The following TSEN15 variants were observed in gnomAD, a reference collection of about 807,000 sequenced individuals.
TSEN15 encodes tRNA splicing endonuclease subunit 15.
TSEN15 carries 10 observed loss-of-function variants against 20.5 expected under a neutral mutation model. The observed-to-expected ratio is 0.49, with a 90% CI of 0.30 to 0.83. The LOEUF (loss-of-function observed/expected upper bound fraction) is 0.83. Ranked by LOEUF, TSEN15 falls within the 40% of genes least tolerant of loss-of-function variation. The pLI, the probability that TSEN15 is intolerant of heterozygous loss-of-function variation, is 0.06. For synonymous variants in TSEN15, 72 were observed against 80.1 expected, an observed-to-expected ratio of 0.90 and a Z score of 0.54; for missense variants, 180 against 218.6, an observed-to-expected ratio of 0.82 and a Z score of 1.11.
At chr1:184,077,302 C>T (rs1651082273), downstream of TSEN15, among the ~76,000 whole-genome samples, 1 of 152,140 alleles carries the variant, frequency 6.6e-6, no homozygotes, top group Admixed American at 6.6e-5. Flanking sequence ...GATGAAAGCA[C>T]ATCTGTTTAC....
intron 3 of TSEN15, among the ~76,000 whole-genome samples, chr1:184,092,815 C>A (rs1037774382): frequency 6.6e-6 from 1 of 152,178 alleles, no homozygotes; most frequent in Non-Finnish European, 1.5e-5. Flanking sequence ...GAAGAGGGCT[C>A]TGACATCCTT....
intron 3 of TSEN15, among the ~76,000 whole-genome samples, chr1:184,089,051 T>G (rs1191904726): frequency 6.6e-6 from 1 of 152,250 alleles, no homozygotes; most frequent in Non-Finnish European, 1.5e-5. Context: ...CAGCAGATTC[T>G]TGTGAAGTGG....
chr1:184,079,173 T>C (rs374831525), downstream of TSEN15, among the ~76,000 whole-genome samples: 397 of 152,258 alleles, frequency 2.6e-3, 6 homozygotes, highest in African/African-American at 9.2e-3. Context: ...CTAAGGAAAG[T>C]GGATGGAAAA....
At chr1:184,090,493 T>A (rs750815648) in intron 3 of TSEN15, among the ~76,000 whole-genome samples, 7 of 152,210 alleles carry the variant, frequency 4.6e-5, no homozygotes, top group Non-Finnish European at 8.8e-5. Flanking sequence ...AGAGTTGATA[T>A]AAACAAAAAG....
chr1:184,094,034 C>T (rs184090525), intron 3 of TSEN15: 40 of 152,220 alleles, frequency 2.6e-4, no homozygotes, highest in African/African-American at 9.4e-4. Context: ...TTGCAAAACT[C>T]ATCTGGTTTC....
chr1:184,070,859 T>C (rs940536061), intron 3 of TSEN15: 1 of 211,012 alleles, frequency 4.7e-6, no homozygotes, highest in Admixed American at 5.6e-5. Flanking sequence ...AATAATTTTT[T>C]AAGGACTAAG....
chr1:184,065,818 G>A (rs1650633731), intron 3 of TSEN15, among the ~76,000 whole-genome samples: 1 of 152,086 alleles, frequency 6.6e-6, no homozygotes, highest in Admixed American at 6.5e-5. Flanking sequence ...TGAGGTGTCT[G>A]TTCAGATTTT....
chr1:184,052,034 C>T, intron 1 of TSEN15, 144 bp downstream of exon 1: 2 of 888,462 alleles, frequency 2.3e-6, no homozygotes, highest in Non-Finnish European at 3.0e-6. Context: ...TGCACAACTG[C>T]CAGCCTCAGG....
downstream of TSEN15, among the ~76,000 whole-genome samples, chr1:184,075,353 A>T (rs1651039194): frequency 6.6e-6 from 1 of 152,186 alleles, no homozygotes; most frequent in Non-Finnish European, 1.5e-5. Context: ...TCTCATTTTA[A>T]TGAAAAACTA....
At chr1:184,088,452 G>C (rs1015045167) in intron 3 of TSEN15, among the ~76,000 whole-genome samples, 2 of 151,858 alleles carry the variant, frequency 1.3e-5, no homozygotes, top group African/African-American at 4.8e-5. Context: ...AGGAGGAAGA[G>C]GAAAAGGAGA....
chr1:184,072,794 A>T, intron 4 of TSEN15, 33 bp from the exon 5 acceptor site: 1 of 1,590,080 alleles, frequency 6.3e-7, no homozygotes, highest in Non-Finnish European at 8.6e-7. Flanking sequence ...TGTTTATCGG[A>T]GAAAAGTCCA....
In TSEN15 at chr1:184,073,462, G is replaced by A. The variant is rs539458301; in HGVS notation, c.*615G>A. On this transcript the variant is annotated 3_prime_UTR_variant, in exon 5 of 5. Transcript: ENST00000645668. The stretch of plus-strand genomic sequence containing the variant: ...GTAACTTACGTGTCTTAAGTAACAG[G>A]GACCAGAGACATGTTACCTACAAGA... 1 of 152,530 alleles carries A rather than the reference G, an allele frequency of 6.6e-6. No homozygotes were observed. The highest frequency in any genetic ancestry group is 1.9e-4 in the East Asian group (1 of 5,172). 9.4% of individuals were successfully genotyped at this position (152,530 alleles called of 1,614,324 possible).
chr1:184,075,876 G>A (rs1651048833), downstream of TSEN15, among the ~76,000 whole-genome samples: 1 of 149,490 alleles, frequency 6.7e-6, no homozygotes, highest in Admixed American at 6.7e-5. Context: ...TAGGGTAGGG[G>A]TAGATGGGGT....
intron 3 of TSEN15, among the ~76,000 whole-genome samples, chr1:184,069,645 T>G (rs1650813821): frequency 2.0e-5 from 3 of 152,064 alleles, no homozygotes; most frequent in Admixed American, 1.3e-4. Flanking sequence ...CTTTTGTTAC[T>G]GCTATTATTA....
intron 1 of TSEN15, among the ~76,000 whole-genome samples, chr1:184,052,915 C>T (rs1400925608): frequency 6.6e-6 from 1 of 152,154 alleles, no homozygotes; most frequent in Non-Finnish European, 1.5e-5. Context: ...GTTGCTTGAT[C>T]TTATTATGCC....
chr1:184,069,873 C>T (rs1027621411), intron 3 of TSEN15, among the ~76,000 whole-genome samples: 13 of 151,942 alleles, frequency 8.6e-5, no homozygotes, highest in African/African-American at 2.9e-4. Context: ...GTAACAGAGG[C>T]AGATAAACTA....
intron 3 of TSEN15, among the ~76,000 whole-genome samples, chr1:184,060,797 T>G (rs1307699178): frequency 6.6e-6 from 1 of 152,184 alleles, no homozygotes; most frequent in Non-Finnish European, 1.5e-5. Flanking sequence ...GCCTCACAGC[T>G]ATTAGAGTTT....
intron 3 of TSEN15, among the ~76,000 whole-genome samples, chr1:184,067,940 A>AT (rs1650737117): frequency 5.2e-4 from 58 of 110,880 alleles, no homozygotes; most frequent in Admixed American, 9.8e-4. Context: ...AAAAAAAAAA[A>AT]AATATATATA....
intron 3 of TSEN15, among the ~76,000 whole-genome samples, chr1:184,056,741 T>A (rs965757386): frequency 3.9e-5 from 6 of 152,168 alleles, no homozygotes; most frequent in Admixed American, 1.3e-4. Flanking sequence ...GAATAGTCCC[T>A]CCTTTCCTCA....
Sources: allele counts gnomAD v4.1 joint callset (sites outside exome capture counted in the v4.1 genomes callset), GRCh38; gene constraint gnomAD v4.1.1; transcripts MANE v1.5; gene names NCBI Gene and HGNC (gene_info 2026-07-23, HGNC 2026-07-21).